The following CIMIP4 variants were observed in gnomAD, a reference collection of about 807,000 sequenced individuals.
The protein encoded by CIMIP4 is protein EAN57.
chr22:37,001,886 C>A, the CIMIP4 span: 1 of 1,610,336 alleles, frequency 6.2e-7, no homozygotes, highest in South Asian at 1.1e-5. Context: ...AAACTTGTGG[C>A]GAATGTTGTT....
chr22:37,006,600 A>C, the CIMIP4 span, among the ~76,000 whole-genome samples: 1 of 152,212 alleles, frequency 6.6e-6, no homozygotes, highest in East Asian at 1.9e-4. Context: ...GAGCTGATTT[A>C]TATGACCAGA....
At chr22:37,003,998 T>G in the CIMIP4 span, 1 of 1,549,468 alleles carries the variant, frequency 6.5e-7, no homozygotes, top group Admixed American at 2.0e-5. Context: ...AGCCTCTTGC[T>G]GTGGGACAGG....
chr22:37,000,883 G>A, the CIMIP4 span, among the ~76,000 whole-genome samples: 1 of 152,172 alleles, frequency 6.6e-6, no homozygotes, highest in Admixed American at 6.5e-5. Flanking sequence ...GCTGGTGGTG[G>A]GGTCACTGCA....
chr22:37,004,996 C>T, the CIMIP4 span, among the ~76,000 whole-genome samples: 3 of 152,066 alleles, frequency 2.0e-5, no homozygotes, highest in Non-Finnish European at 2.9e-5. Context: ...CCTGTGACTT[C>T]GGTTTTGTTT....
chr22:37,002,681 T>C, the CIMIP4 span, among the ~76,000 whole-genome samples: 4 of 152,110 alleles, frequency 2.6e-5, 1 homozygote, highest in South Asian at 4.1e-4. Context: ...ATTTGGATAG[T>C]TCCCTTCCCC....
At chr22:37,007,227 G>C in the CIMIP4 span, among the ~76,000 whole-genome samples, 1 of 152,174 alleles carries the variant, frequency 6.6e-6, no homozygotes, top group African/African-American at 2.4e-5. Flanking sequence ...TGCAGCAAGA[G>C]ATAACTAACA....
chr22:37,006,067 A>G, the CIMIP4 span, among the ~76,000 whole-genome samples: 1 of 152,332 alleles, frequency 6.6e-6, no homozygotes, highest in South Asian at 2.1e-4. Context: ...ACAGAACCAT[A>G]GGACCTCTAG....
At chr22:37,004,887 C>A in the CIMIP4 span, among the ~76,000 whole-genome samples, 1 of 152,054 alleles carries the variant, frequency 6.6e-6, no homozygotes, top group Non-Finnish European at 1.5e-5. Flanking sequence ...AGGGTTTCAC[C>A]ATGTTGGCCA....
At chr22:36,993,496 A>G in the CIMIP4 span, among the ~76,000 whole-genome samples, 3 of 151,956 alleles carry the variant, frequency 2.0e-5, no homozygotes, top group African/African-American at 7.2e-5. Context: ...AAGAGAGAGA[A>G]AAAGAAGCCA....
the CIMIP4 span, chr22:37,003,915 C>A: frequency 1.3e-6 from 2 of 1,523,874 alleles, no homozygotes; most frequent in Non-Finnish European, 1.8e-6. Context: ...CAGGGAGTCC[C>A]TCCAGAAGCC....
At chr22:37,007,485 G>A in the CIMIP4 span, 13 of 152,264 alleles carry the variant, frequency 8.5e-5, no homozygotes, top group East Asian at 1.5e-3. Flanking sequence ...ACGTGCCCAC[G>A]GCAGCTCTGT....
the CIMIP4 span, chr22:37,002,085 T>A: frequency 1.3e-6 from 2 of 1,598,498 alleles, no homozygotes; most frequent in South Asian, 2.3e-5. Flanking sequence ...AGAGAATCCC[T>A]GCTGGCAGCA....
At chr22:36,999,821 C>G in the CIMIP4 span, 4 of 1,607,556 alleles carry the variant, frequency 2.5e-6, no homozygotes, top group Middle Eastern at 1.7e-4. Context: ...ACGGCCCCAC[C>G]CTTGCCCTTT....
chr22:36,993,341 C>G, the CIMIP4 span, among the ~76,000 whole-genome samples: 2 of 152,064 alleles, frequency 1.3e-5, no homozygotes, highest in Admixed American at 1.3e-4. Flanking sequence ...CCTTAGTGTT[C>G]AGGAAAACAC....
chr22:37,007,605 A>C, the CIMIP4 span: 2 of 152,242 alleles, frequency 1.3e-5, no homozygotes, highest in Non-Finnish European at 2.9e-5. Context: ...ACTTTGGTCA[A>C]AGAGGGCGGG....
At chr22:37,003,987 T>A in the CIMIP4 span, 27 of 1,550,176 alleles carry the variant, frequency 1.7e-5, no homozygotes, top group African/African-American at 3.3e-4. Flanking sequence ...CCCAGCTCCA[T>A]AGCCTCTTGC....
the CIMIP4 span, among the ~76,000 whole-genome samples, chr22:37,001,270 G>A: frequency 1.3e-5 from 2 of 151,648 alleles, no homozygotes; most frequent in African/African-American, 4.8e-5. Flanking sequence ...CCATGTATTT[G>A]TCAGCCTGAT....
chr22:36,993,972 G>A, the CIMIP4 span, among the ~76,000 whole-genome samples: 1 of 152,108 alleles, frequency 6.6e-6, no homozygotes, highest in South Asian at 2.1e-4. Context: ...GATATACCCA[G>A]GCAAACACTA....
At chr22:36,998,756 T>C in the CIMIP4 span, among the ~76,000 whole-genome samples, 1 of 152,100 alleles carries the variant, frequency 6.6e-6, no homozygotes, top group Non-Finnish European at 1.5e-5. Flanking sequence ...ACTGATCCAA[T>C]GGAAACCCTG....
Sources: gnomAD v4.1 joint callset for allele counts (sites outside exome capture counted in the v4.1 genomes callset) on GRCh38, gnomAD v4.1.1 for gene constraint, MANE v1.5 for transcripts, NCBI Gene and HGNC (gene_info 2026-07-23, HGNC 2026-07-21) for gene names.